CEP63: variants seen among roughly 807,000 people sequenced by gnomAD.
CEP63 encodes the protein centrosomal protein 63.
Under a neutral mutation model 89.1 loss-of-function variants are expected in CEP63, and 84 were observed. The ratio of observed to expected loss-of-function variants is 0.94; its 90% CI spans 0.79 to 1.13. The LOEUF (loss-of-function observed/expected upper bound fraction) is 1.13. CEP63 is among the 50% of genes most tolerant of loss of function. The pLI is 0.00. For missense variants in CEP63, 838 were observed against 813.3 expected, an observed-to-expected ratio of 1.03 and a Z score of -0.37; for synonymous variants, 267 against 272.5, an observed-to-expected ratio of 0.98 and a Z score of 0.20.
chr3:134,636,908 A>G, the CEP63 span, among the ~76,000 whole-genome samples: 1 of 152,130 alleles, frequency 6.6e-6, no homozygotes, highest in Non-Finnish European at 1.5e-5. Context: ...TGAATTGGCT[A>G]TTTTCCTATT....
chr3:134,775,113 T>C, the CEP63 span, among the ~76,000 whole-genome samples: 1 of 152,194 alleles, frequency 6.6e-6, no homozygotes, highest in African/African-American at 2.4e-5. Flanking sequence ...ACCTTTATTG[T>C]CTTCTTCCTT....
chr3:134,758,383 A>C, the CEP63 span, among the ~76,000 whole-genome samples: 3 of 152,230 alleles, frequency 2.0e-5, no homozygotes, highest in Non-Finnish European at 2.9e-5. Context: ...GCACAAAGAC[A>C]GCCCTTAGGG....
intron 5 of CEP63, 109 bp downstream of exon 5, chr3:134,533,009 C>A: frequency 8.9e-7 from 1 of 1,118,908 alleles, no homozygotes; most frequent in East Asian, 2.5e-5. Context: ...ATCTTAAGGA[C>A]TGCCACTAAG....
the CEP63 span, among the ~76,000 whole-genome samples, chr3:134,682,959 G>T: frequency 3.3e-5 from 5 of 152,184 alleles, no homozygotes; most frequent in Non-Finnish European, 7.3e-5. Context: ...AGGGACCCTA[G>T]ATTCTATGAA....
chr3:134,716,272 G>C, the CEP63 span, among the ~76,000 whole-genome samples: 2 of 152,168 alleles, frequency 1.3e-5, no homozygotes, highest in African/African-American at 4.8e-5. Context: ...CATGGAAATG[G>C]TCTTTAGGTT....
chr3:134,748,651 C>T, the CEP63 span, among the ~76,000 whole-genome samples: 1 of 152,294 alleles, frequency 6.6e-6, no homozygotes, highest in Non-Finnish European at 1.5e-5. Flanking sequence ...AAGAAGCCCC[C>T]ATGCCTGTAT....
At chr3:134,765,200 A>G in the CEP63 span, among the ~76,000 whole-genome samples, 15 of 152,248 alleles carry the variant, frequency 9.9e-5, no homozygotes, top group African/African-American at 3.4e-4. Flanking sequence ...TAAGGTATTC[A>G]TATTCTGCTT....
chr3:134,666,446 T>A, the CEP63 span, among the ~76,000 whole-genome samples: 1 of 152,194 alleles, frequency 6.6e-6, no homozygotes, highest in Non-Finnish European at 1.5e-5. Flanking sequence ...CACCAGGATA[T>A]GCCAAGCATT....
chr3:134,612,894 A>G, the CEP63 span: 1 of 151,910 alleles, frequency 6.6e-6, no homozygotes, highest in Non-Finnish European at 1.5e-5. Context: ...AGGTGATTTT[A>G]ATGTTTTTCT....
At chr3:134,588,058 C>G (rs1010062496), downstream of CEP63, among the ~76,000 whole-genome samples, 1 of 152,106 alleles carries the variant, frequency 6.6e-6, no homozygotes, top group Non-Finnish European at 1.5e-5. Context: ...CTTTGGGAGG[C>G]CAATGTGGGC....
At chr3:134,604,397 G>C in the CEP63 span, 18 of 1,613,910 alleles carry the variant, frequency 1.1e-5, no homozygotes, top group Admixed American at 1.7e-5. Flanking sequence ...AGCAGCCCAT[G>C]CTCTTGCTTG....
At chr3:134,548,088 C>T (rs1263912397) in intron 9 of CEP63, among the ~76,000 whole-genome samples, 1 of 152,190 alleles carries the variant, frequency 6.6e-6, no homozygotes, top group Non-Finnish European at 1.5e-5. Flanking sequence ...CAAGTTCTTT[C>T]TGTCTGCTGA....
At chr3:134,557,008 A>G (rs1956306674) in intron 12 of CEP63, among the ~76,000 whole-genome samples, 1 of 152,202 alleles carries the variant, frequency 6.6e-6, no homozygotes, top group Admixed American at 6.5e-5. Context: ...ACATATTATG[A>G]AGAATAATTA....
chr3:134,538,531 G>GTATATATATATATA lies in CEP63; in HGVS notation c.555+1264_555+1265insATATATATATATAT, dbSNP rs138354332. ...AGACCTAATAAGAAATTGTGTGTGT[G>GTATATATATATATA]TGTATATATATATATATATATATGT... On this transcript the variant is annotated intron_variant, in intron 6 of 14. Coordinates refer to ENST00000675561, the MANE Select transcript of CEP63 (RefSeq NM_001353108.3). Among the ~76,000 whole-genome samples the GTATATATATATATA allele has an allele frequency of 5.5e-4, 55 of 99,612 alleles. 1 individual carries two copies. Among genetic ancestry groups the GTATATATATATATA allele is most frequent in the Non-Finnish European group, 7.4e-4 (34 of 45,906 alleles). The allele number at this position is 99,612 out of a possible 152,430, so 65.3% of individuals were successfully genotyped here.
the CEP63 span, among the ~76,000 whole-genome samples, chr3:134,736,171 T>C: frequency 1.3e-5 from 2 of 152,186 alleles, no homozygotes; most frequent in Non-Finnish European, 2.9e-5. Flanking sequence ...ATAATCATCA[T>C]GCGTATATTA....
chr3:134,586,810 C>T (rs1174121872), intron 10 of CEP63, among the ~76,000 whole-genome samples: 1 of 152,158 alleles, frequency 6.6e-6, no homozygotes, highest in Non-Finnish European at 1.5e-5. Flanking sequence ...CCATTCTCCT[C>T]GTCACTTTCA....
chr3:134,777,580 G>A, the CEP63 span, among the ~76,000 whole-genome samples: 113 of 148,620 alleles, frequency 7.6e-4, no homozygotes, highest in African/African-American at 2.7e-3. Context: ...TTTCACTTTC[G>A]GTAGACTTCA....
the CEP63 span, among the ~76,000 whole-genome samples, chr3:134,712,666 C>G: frequency 6.6e-6 from 1 of 152,072 alleles, no homozygotes; most frequent in Non-Finnish European, 1.5e-5. Flanking sequence ...TTGATCTGGT[C>G]TTGGCTTTTG....
At chr3:134,591,447 C>G (rs1958593819), downstream of CEP63, among the ~76,000 whole-genome samples, 1 of 152,172 alleles carries the variant, frequency 6.6e-6, no homozygotes, top group Non-Finnish European at 1.5e-5. Context: ...CTGGCGCAAG[C>G]TAGGCATGGT....
Sources: gnomAD v4.1 joint callset for allele counts (sites outside exome capture counted in the v4.1 genomes callset) on GRCh38, gnomAD v4.1.1 for gene constraint, MANE v1.5 for transcripts, NCBI Gene and HGNC (gene_info 2026-07-23, HGNC 2026-07-21) for gene names.